Variants in TSPAN9 observed in about 807,000 individuals in gnomAD.
TSPAN9 encodes tetraspanin 9.
Under a neutral mutation model 31.0 loss-of-function variants are expected in TSPAN9, and 16 were observed. The observed-to-expected ratio is 0.52, with a 90% confidence interval of 0.35 to 0.78. The LOEUF is 0.78. Among genes scored for constraint, TSPAN9 ranks in the 30% least tolerant of loss-of-function variants. The pLI is 0.01. For missense variants in TSPAN9, 272 were observed against 312.5 expected, an observed-to-expected ratio of 0.87 and a Z score of 0.98; for synonymous variants, 145 against 121.6, an observed-to-expected ratio of 1.19 and a Z score of -1.27.
chr12:3,214,607 G>A (rs2098380386), intron 3 of TSPAN9, among the ~76,000 whole-genome samples: 1 of 151,910 alleles, frequency 6.6e-6, no homozygotes, highest in South Asian at 2.1e-4. Flanking sequence ...AATGGAAGTC[G>A]TTTCTGGGCC....
intron 2 of TSPAN9, among the ~76,000 whole-genome samples, chr12:3,135,190 C>T (rs1042774263): frequency 2.6e-5 from 4 of 152,126 alleles, no homozygotes; most frequent in African/African-American, 7.2e-5. Flanking sequence ...CTCAAGCAAT[C>T]CTCCCACCTT....
chr12:3,119,059 T>A (rs915163264), intron 2 of TSPAN9, among the ~76,000 whole-genome samples: 1 of 152,188 alleles, frequency 6.6e-6, no homozygotes, highest in African/African-American at 2.4e-5. Flanking sequence ...CCCCTTGGGC[T>A]GTACCCCCGA....
At chr12:3,228,480 A>G (rs1481095854) in intron 3 of TSPAN9, among the ~76,000 whole-genome samples, 1 of 152,248 alleles carries the variant, frequency 6.6e-6, no homozygotes, top group Non-Finnish European at 1.5e-5. Context: ...ACTAGGGGGA[A>G]GATCCAGGAC....
chr12:3,118,002 C>T (rs1241120650), intron 2 of TSPAN9, among the ~76,000 whole-genome samples: 4 of 152,042 alleles, frequency 2.6e-5, no homozygotes, highest in South Asian at 2.1e-4. Context: ...GTGGTTAGTG[C>T]CCCATGCCAG....
chr12:3,223,189 C>T (rs1565620593), intron 3 of TSPAN9, among the ~76,000 whole-genome samples: 1 of 152,236 alleles, frequency 6.6e-6, no homozygotes, highest in Non-Finnish European at 1.5e-5. Flanking sequence ...AGAGTAATTG[C>T]AGTACATGGG....
intron 3 of TSPAN9, among the ~76,000 whole-genome samples, chr12:3,241,795 T>C (rs1488108281): frequency 1.3e-5 from 2 of 152,090 alleles, no homozygotes; most frequent in Non-Finnish European, 2.9e-5. Flanking sequence ...TGGGCTCCGG[T>C]GTGTGTCACT....
intron 2 of TSPAN9, among the ~76,000 whole-genome samples, chr12:3,092,855 C>T (rs1275608943): frequency 1.3e-5 from 2 of 152,240 alleles, no homozygotes; most frequent in Non-Finnish European, 1.5e-5. Context: ...GTGTGGCTTT[C>T]CCAGAGAGGC....
chr12:3,263,370 C>T (rs1324841467), intron 3 of TSPAN9, among the ~76,000 whole-genome samples: 1 of 152,212 alleles, frequency 6.6e-6, no homozygotes, highest in Admixed American at 6.5e-5. Context: ...CATGACATCG[C>T]TTCGTCTAAA....
chr12:3,264,751 C>T (rs943213090), intron 3 of TSPAN9, among the ~76,000 whole-genome samples: 2 of 152,178 alleles, frequency 1.3e-5, no homozygotes, highest in Admixed American at 6.5e-5. Context: ...GTGTGCAAGG[C>T]GCCATGCTAG....
chr12:3,237,557 C>T (rs1474918078), intron 3 of TSPAN9, among the ~76,000 whole-genome samples: 1 of 152,242 alleles, frequency 6.6e-6, no homozygotes, highest in African/African-American at 2.4e-5. Context: ...AGCCCTGTCC[C>T]ACCCGAGGCA....
At position 3,081,842 on chromosome 12, in the gene TSPAN9, G is replaced by GTATATATA. The variant is rs1226231378; in HGVS notation, c.-84-1810_-84-1809insATATATAT. On this transcript the variant is annotated intron_variant, in intron 1 of 8. Coordinates refer to ENST00000011898, the MANE Select transcript of TSPAN9 (RefSeq NM_006675.5). ...TGTGTGTGTGTGTGTGTGTCTGTGTGTGTATATATATGCCAGGTGTGGTGG... is the reference window on the plus strand; with the variant it reads ...TGTGTGTGTGTGTGTGTGTCTGTGTGTATATATATGTATATATATGCCAGGTGTGGTGG... 1.2e-4 allele frequency among the ~76,000 whole-genome samples: 7 copies of GTATATATA among 56,416 alleles called. 1 individual carries two copies. The highest frequency in any genetic ancestry group is 3.3e-4 in the African/African-American group (3 of 9,216). The allele number at this position is 56,416 out of a possible 152,430, so 37.0% of individuals were successfully genotyped here.
intron 2 of TSPAN9, chr12:3,124,732 T>G (rs1591638363): frequency 1.3e-5 from 2 of 152,124 alleles, no homozygotes; most frequent in Middle Eastern, 6.8e-3. Flanking sequence ...GTGTGGGCTT[T>G]TAAAAATTAT....
intron 3 of TSPAN9, among the ~76,000 whole-genome samples, chr12:3,204,115 C>G (rs1053717036): frequency 6.6e-6 from 1 of 152,168 alleles, no homozygotes; most frequent in African/African-American, 2.4e-5. Flanking sequence ...GTAGCCTTAA[C>G]TTGTTGTAGT....
intron 3 of TSPAN9, among the ~76,000 whole-genome samples, chr12:3,212,569 A>G (rs756591899): frequency 6.6e-6 from 1 of 152,146 alleles, no homozygotes; most frequent in African/African-American, 2.4e-5. Flanking sequence ...CACTGCATCT[A>G]GCCTAGAGAC....
chr12:3,082,536 G>A (rs1174147981), intron 1 of TSPAN9, among the ~76,000 whole-genome samples: 1 of 152,206 alleles, frequency 6.6e-6, no homozygotes, highest in Non-Finnish European at 1.5e-5. Flanking sequence ...GAAGTTTGCA[G>A]GTTTTGAGCA....
intron 3 of TSPAN9, among the ~76,000 whole-genome samples, chr12:3,221,360 CTTTTT>C (rs61424013): frequency 7.1e-6 from 1 of 141,312 alleles, no homozygotes; most frequent in Non-Finnish European, 1.5e-5. Flanking sequence ...ATATTTTTCT[CTTTTT>C]TTTTTTTTTT....
chr12:3,081,653 G>T lies in TSPAN9; in HGVS notation c.-84-2000G>T, dbSNP rs369419882. 1.3e-4 allele frequency among the ~76,000 whole-genome samples: 20 copies of T among 152,088 alleles called. No homozygotes were observed. In the South Asian group the frequency reaches 3.9e-3, roughly 30 times the overall value. On this transcript the variant is annotated intron_variant, in intron 1 of 8. Transcript: ENST00000011898. ...TTCTCTAGTGAACTCCACAAACAGT[G>T]TATGTGTCACATGTATAAGAGTCTG... is the stretch of plus-strand genomic sequence containing the variant.
intron 3 of TSPAN9, among the ~76,000 whole-genome samples, chr12:3,266,080 G>A (rs543131545): frequency 1.3e-5 from 2 of 151,994 alleles, no homozygotes; most frequent in Non-Finnish European, 2.9e-5. Flanking sequence ...CGTCCTCCTC[G>A]GCTACAAGGA....
At chr12:3,274,530 G>T (rs557670) in intron 3 of TSPAN9, among the ~76,000 whole-genome samples, 2,977 of 152,348 alleles carry the variant, frequency 0.02, 90 homozygotes, top group African/African-American at 0.068. Flanking sequence ...AAGGCCCAGT[G>T]TTGGTGCCTG....
Sources: allele counts gnomAD v4.1 joint callset (sites outside exome capture counted in the v4.1 genomes callset), GRCh38; gene constraint gnomAD v4.1.1; transcripts MANE v1.5; gene names NCBI Gene and HGNC (gene_info 2026-07-23, HGNC 2026-07-21).